Variants in CSMD3 observed in about 807,000 individuals in gnomAD.
CSMD3 encodes the protein CUB and Sushi multiple domains 3, also known as CUB and sushi domain-containing protein 3.
CSMD3 carries 177 observed loss-of-function variants against 435.2 expected under a neutral mutation model. The observed-to-expected ratio is 0.41, with a 90% CI of 0.36 to 0.46. The LOEUF (loss-of-function observed/expected upper bound fraction) is 0.46. CSMD3 is among the 20% of genes least tolerant of loss of function. The pLI, the probability that CSMD3 is intolerant of heterozygous loss-of-function variation, is 0.34. For missense variants in CSMD3, 4,265 were observed against 4,504.6 expected (o/e 0.95, Z 1.52); for synonymous variants, 1,656 against 1,520.5 (o/e 1.09, Z -2.07).
At chr8:112,401,904 A>G (rs1055798648) in intron 35 of CSMD3, among the ~76,000 whole-genome samples, 3 of 152,194 alleles carry the variant, frequency 2.0e-5, no homozygotes, top group African/African-American at 4.8e-5. Context: ...TAATAACTTT[A>G]AATTGTTTTA....
chr8:112,529,162 C>T (rs143988767), intron 27 of CSMD3, among the ~76,000 whole-genome samples: 4 of 152,222 alleles, frequency 2.6e-5, no homozygotes, highest in East Asian at 1.9e-4. Context: ...CCAACTTTGC[C>T]GGGATTGCCT....
chr8:113,420,617 G>A (rs1048234448), intron 1 of CSMD3, among the ~76,000 whole-genome samples: 3 of 151,778 alleles, frequency 2.0e-5, no homozygotes, highest in Non-Finnish European at 2.9e-5. Flanking sequence ...AATAAAATAC[G>A]TCTATATACA....
intron 32 of CSMD3, among the ~76,000 whole-genome samples, chr8:112,424,075 G>A (rs571073635): frequency 2.5e-4 from 38 of 152,156 alleles, no homozygotes; most frequent in Middle Eastern, 3.4e-3. Context: ...AAAATGTTTT[G>A]GATTCTATTC....
chr8:113,111,041 C>A (rs960521748), intron 4 of CSMD3, among the ~76,000 whole-genome samples: 1 of 152,048 alleles, frequency 6.6e-6, no homozygotes, highest in Non-Finnish European at 1.5e-5. Context: ...CTAATCACCT[C>A]CCAAAAAGTC....
intron 1 of CSMD3, among the ~76,000 whole-genome samples, chr8:113,315,277 C>G (rs1182277138): frequency 1.3e-5 from 2 of 152,092 alleles, no homozygotes; most frequent in Non-Finnish European, 2.9e-5. Context: ...AGCTCACATG[C>G]TTTAGGAAAA....
chr8:113,150,759 T>A (rs1359606713), intron 4 of CSMD3, among the ~76,000 whole-genome samples: 1 of 152,028 alleles, frequency 6.6e-6, no homozygotes, highest in East Asian at 1.9e-4. Context: ...TACCACTATA[T>A]GTATTAATGC....
At chr8:113,374,558 A>C (rs2094366614) in intron 1 of CSMD3, among the ~76,000 whole-genome samples, 2 of 152,094 alleles carry the variant, frequency 1.3e-5, no homozygotes, top group Non-Finnish European at 2.9e-5. Flanking sequence ...AACACATTAA[A>C]AGAAGGCATA....
At chr8:112,504,795 T>C (rs1461916202) in intron 29 of CSMD3, among the ~76,000 whole-genome samples, 1 of 152,052 alleles carries the variant, frequency 6.6e-6, no homozygotes. Context: ...ACAGGGGACA[T>C]GCAATCAATT....
intron 7 of CSMD3, among the ~76,000 whole-genome samples, chr8:112,964,159 C>T (rs2084332310): frequency 6.6e-6 from 1 of 151,742 alleles, no homozygotes. Context: ...AAATTAATTG[C>T]CCAAGGTTAT....
chr8:112,251,781 A>G (rs1416540062), intron 63 of CSMD3, among the ~76,000 whole-genome samples: 2 of 151,784 alleles, frequency 1.3e-5, no homozygotes, highest in African/African-American at 2.4e-5. Flanking sequence ...TCCATTGCCC[A>G]GAGCTCAGTT....
At chr8:112,800,842 C>G (rs1015983683) in intron 12 of CSMD3, among the ~76,000 whole-genome samples, 9 of 151,954 alleles carry the variant, frequency 5.9e-5, no homozygotes, top group Non-Finnish European at 1.2e-4. Flanking sequence ...AAATCTGATG[C>G]AGCATAACTG....
chr8:113,359,330 A>T (rs889436257), intron 1 of CSMD3, among the ~76,000 whole-genome samples: 5 of 152,222 alleles, frequency 3.3e-5, no homozygotes, highest in African/African-American at 1.2e-4. Context: ...AGTACTCAAG[A>T]GTCTCTGGAG....
chr8:113,004,370 C>A (rs2085977045), intron 6 of CSMD3, among the ~76,000 whole-genome samples: 1 of 151,930 alleles, frequency 6.6e-6, no homozygotes, highest in South Asian at 2.1e-4. Flanking sequence ...AGGAAGAATT[C>A]TCACAGGAAG....
intron 35 of CSMD3, among the ~76,000 whole-genome samples, chr8:112,397,913 G>A (rs1470502324): frequency 6.6e-6 from 1 of 152,126 alleles, no homozygotes; most frequent in Non-Finnish European, 1.5e-5. Context: ...TCAACCATAA[G>A]TCTAATGTTC....
At chr8:112,767,974 C>A (rs549642429) in intron 13 of CSMD3, among the ~76,000 whole-genome samples, 10 of 151,582 alleles carry the variant, frequency 6.6e-5, no homozygotes, top group African/African-American at 2.4e-4. Flanking sequence ...ATCTCTGGGC[C>A]CAATTTAGAT....
intron 3 of CSMD3, among the ~76,000 whole-genome samples, chr8:113,248,464 G>GTATATATA (rs1563602221): frequency 4.1e-4 from 1 of 2,452 alleles, no homozygotes; most frequent in African/African-American, 4.7e-4. Flanking sequence ...ATATGTGTGT[G>GTATATATA]TGTGATATAT....
intron 31 of CSMD3, among the ~76,000 whole-genome samples, chr8:112,480,366 G>T (rs993070530): frequency 6.6e-6 from 1 of 152,146 alleles, no homozygotes; most frequent in African/African-American, 2.4e-5. Context: ...AGACTTTTGA[G>T]AACTATTAGC....
chr8:112,525,770 A>ATTT (rs1206866096), intron 27 of CSMD3, among the ~76,000 whole-genome samples: 4 of 140,526 alleles, frequency 2.8e-5, no homozygotes, highest in Admixed American at 7.2e-5. Context: ...ATATATATAT[A>ATTT]TTTATATGTG....
At chr8:112,851,839 T>C (rs1221832250) in intron 11 of CSMD3, among the ~76,000 whole-genome samples, 3 of 152,046 alleles carry the variant, frequency 2.0e-5, no homozygotes, top group African/African-American at 7.2e-5. Context: ...TACATACTTA[T>C]TTGAATGAAT....
Sources: gnomAD v4.1 joint callset for allele counts (sites outside exome capture counted in the v4.1 genomes callset) on GRCh38, gnomAD v4.1.1 for gene constraint, MANE v1.5 for transcripts, NCBI Gene and HGNC (gene_info 2026-07-23, HGNC 2026-07-21) for gene names.